DIP2A: variants seen among roughly 807,000 people sequenced by gnomAD.
DIP2A encodes the protein disco-interacting protein 2 homolog A.
Under a neutral mutation model 177.4 loss-of-function variants are expected in DIP2A, and 85 were observed. The ratio of observed to expected loss-of-function variants is 0.48; its 90% CI spans 0.40 to 0.57. The LOEUF is 0.57. Among genes scored for constraint, DIP2A ranks in the 20% least tolerant of loss-of-function variants. The pLI is 0.00. For synonymous variants in DIP2A, 886 were observed against 881.8 expected (o/e 1.00, Z -0.08); for missense variants, 1,791 against 2,100.2 (o/e 0.85, Z 2.88).
chr21:46,480,604 A>G (rs2056279666), intron 1 of DIP2A, among the ~76,000 whole-genome samples: 2 of 152,086 alleles, frequency 1.3e-5, no homozygotes, highest in South Asian at 2.1e-4. Context: ...GATCCTGGGT[A>G]AGCTTGTGTG....
At chr21:46,495,899 C>T (rs1275885452) in intron 3 of DIP2A, among the ~76,000 whole-genome samples, 1 of 151,906 alleles carries the variant, frequency 6.6e-6, no homozygotes, top group Non-Finnish European at 1.5e-5. Context: ...TAGTGAAACC[C>T]CATCTGTACT....
Position 46,496,993 on chromosome 21 carries a change from C to G in DIP2A, c.289C>G (p.His97Asp). Residue 97 changes from histidine to aspartate, a missense_variant, in exon 4 of 38, where the codon CAC becomes GAC. Physicochemically the swap from His to Asp is moderately conservative, Grantham distance 81. Transcript: ENST00000417564. ...CTGCTGTCCTTCCTGTGTAGATGTC[C>G]ACACTGAAGCCGTGCAAGCAGCTTT... Reference protein sequence around the residue: ...SRDERFRSDVHTEAVQAALAK... With the variant: ...SRDERFRSDVDTEAVQAALAK... 6.3e-7 allele frequency: 1 copy of G among 1,583,938 alleles called. No homozygotes were observed. The highest frequency in any genetic ancestry group is 8.6e-7 in the Non-Finnish European group (1 of 1,165,580).
the DIP2A span, among the ~76,000 whole-genome samples, chr21:46,579,739 C>G: frequency 6.6e-6 from 1 of 152,146 alleles, no homozygotes; most frequent in South Asian, 2.1e-4. Context: ...GGAGGTTGTT[C>G]AGTTTCCATG....
chr21:46,487,022 C>G (rs1212352444), intron 2 of DIP2A, among the ~76,000 whole-genome samples: 2 of 152,144 alleles, frequency 1.3e-5, no homozygotes, highest in Non-Finnish European at 2.9e-5. Context: ...ATTTAGAGAG[C>G]TGGTGTAGTG....
intron 33 of DIP2A, chr21:46,561,500 C>G: frequency 1.7e-6 from 1 of 574,988 alleles, no homozygotes; most frequent in South Asian, 1.7e-5. Context: ...AGGACCTAAA[C>G]GAAATGTAGA....
At chr21:46,523,044 G>C (rs1456110820) in intron 8 of DIP2A, among the ~76,000 whole-genome samples, 1 of 147,540 alleles carries the variant, frequency 6.8e-6, no homozygotes, top group East Asian at 2.0e-4. Context: ...TCCTGCCTCA[G>C]CCTCCCGAGT....
chr21:46,523,393 A>ATTTTTTTTTTTTTTTTT (rs61370008), intron 8 of DIP2A, among the ~76,000 whole-genome samples: 14 of 89,896 alleles, frequency 1.6e-4, no homozygotes, highest in Non-Finnish European at 2.4e-4. Flanking sequence ...CGCCTGGCTA[A>ATTTTTTTTTTTTTTTTT]TTTTTTTTTT....
chr21:46,503,633 TTTCC>T (rs2057804159), intron 5 of DIP2A, among the ~76,000 whole-genome samples: 10 of 113,046 alleles, frequency 8.8e-5, no homozygotes, highest in South Asian at 2.9e-4. Flanking sequence ...TCTTTCTTTC[TTTCC>T]TTTCTTTCTT....
Position 46,497,127 on chromosome 21 carries a change from A to C in DIP2A, c.403+20A>C. On this transcript the variant is annotated intron_variant, in intron 4 of 37. Coordinates refer to ENST00000417564, the MANE Select transcript of DIP2A (RefSeq NM_015151.4). ...CTCCAGGTATTGATAAACAATGTCA[A>C]GTGTGGCTTTTTTTTGAGTGTTTCA... The C allele has an allele frequency of 1.3e-6, 2 of 1,503,678 alleles. No homozygotes were observed. Among genetic ancestry groups the C allele is most frequent in the South Asian group, 2.3e-5 (2 of 87,060 alleles). The allele number at this position is 1,503,678 out of a possible 1,614,324, so 93.1% of individuals were successfully genotyped here. A position where few individuals can be genotyped will look rare whatever the true frequency, so the allele number is the denominator to read the frequency against.
rs2059220195 is a variant in DIP2A, at chr21:46,528,568, T to TA, written c.1103-523dup. Among the ~76,000 whole-genome samples, 24 of 90,632 alleles carry TA rather than the reference T, an allele frequency of 2.6e-4. 1 individual carries two copies. The highest frequency in any genetic ancestry group is 8.5e-4 in the South Asian group (2 of 2,340). 59.5% of individuals were successfully genotyped at this position (90,632 alleles called of 152,430 possible). A position where few individuals can be genotyped will look rare whatever the true frequency, so the allele number is the denominator to read the frequency against. ...TTTTTTTTTTTTTTTTTTTTTTTTT[T>TA]AGATAATGTCTTTATTGCCCAGGCT... On this transcript the variant is annotated intron_variant, in intron 8 of 37. Coordinates refer to ENST00000417564, the MANE Select transcript of DIP2A (RefSeq NM_015151.4).
At chr21:46,555,308 G>A (rs991684940) in intron 28 of DIP2A, among the ~76,000 whole-genome samples, 1 of 152,236 alleles carries the variant, frequency 6.6e-6, no homozygotes, top group African/African-American at 2.4e-5. Context: ...GGTGAATGCT[G>A]TCATGCCCCA....
At chr21:46,528,011 A>G (rs1181937563) in intron 8 of DIP2A, among the ~76,000 whole-genome samples, 9 of 152,036 alleles carry the variant, frequency 5.9e-5, no homozygotes, top group Non-Finnish European at 1.0e-4. Context: ...TGAGCATAGC[A>G]GCTGCGCCAG....
At chr21:46,518,663 C>A (rs1443652734) in intron 8 of DIP2A, among the ~76,000 whole-genome samples, 1 of 152,152 alleles carries the variant, frequency 6.6e-6, no homozygotes, top group Non-Finnish European at 1.5e-5. Flanking sequence ...TTGAGACCAG[C>A]CTGGCCAACA....
chr21:46,538,740 GACAC>G, intron 16 of DIP2A, 138 bp downstream of exon 16: 1 of 1,273,128 alleles, frequency 7.9e-7, no homozygotes. Context: ...TCGTTTCTAT[GACAC>G]GGAACATCTT....
rs3061062 is a variant in DIP2A, at chr21:46,524,872, C to CTTTT, written c.1103-4191_1103-4188dup. Among the ~76,000 whole-genome samples, 81 of 63,356 alleles carry CTTTT rather than the reference C, an allele frequency of 1.3e-3. 2 individuals carry two copies. Among genetic ancestry groups the CTTTT allele is most frequent in the South Asian group, 3.4e-3 (5 of 1,482 alleles). 41.6% of individuals were successfully genotyped at this position (63,356 alleles called of 152,430 possible). A position where few individuals can be genotyped will look rare whatever the true frequency, so the allele number is the denominator to read the frequency against. ...TTTCTTTTATGATTTTTGCTTTTTG[C>CTTTT]TTTTTTTTTTTTTTTTTTTTTTTTT... On this transcript the variant is annotated intron_variant, in intron 8 of 37. Coordinates refer to ENST00000417564, the MANE Select transcript of DIP2A (RefSeq NM_015151.4).
At chr21:46,524,363 T>C in intron 8 of DIP2A, among the ~76,000 whole-genome samples, 1 of 152,208 alleles carries the variant, frequency 6.6e-6, no homozygotes, top group East Asian at 1.9e-4. Context: ...TAACCCACTC[T>C]GTCTTAGGAG....
chr21:46,515,171 G>A (rs544881565), intron 8 of DIP2A, among the ~76,000 whole-genome samples: 24 of 152,306 alleles, frequency 1.6e-4, no homozygotes, highest in South Asian at 1.4e-3. Flanking sequence ...TTAAACCAGC[G>A]TTCAAATCTA....
In DIP2A at chr21:46,468,261, C is replaced by CAAA. The variant is rs1207842729; in HGVS notation, c.91+9057_91+9059dup. ...AGCCTGGGTGACAGTGAGACTGTCT[C>CAAA]AAAAAAAAAAAAAAAAAAAAGCTGG... is the stretch of plus-strand genomic sequence containing the variant. On this transcript the variant is annotated intron_variant, in intron 1 of 37. Transcript: ENST00000417564. Among the ~76,000 whole-genome samples the CAAA allele has an allele frequency of 5.7e-3, 500 of 87,652 alleles. 18 individuals carry two copies. The highest frequency in any genetic ancestry group is 7.3e-3 in the Non-Finnish European group (344 of 47,288). The allele number at this position is 87,652 out of a possible 152,430, so 57.5% of individuals were successfully genotyped here.
chr21:46,549,398 GACTA>G (rs1216153295), intron 21 of DIP2A, among the ~76,000 whole-genome samples: 6 of 152,280 alleles, frequency 3.9e-5, no homozygotes, highest in African/African-American at 1.4e-4. Flanking sequence ...AATGTCAATA[GACTA>G]ACTCTAGTAA....
Sources: allele counts gnomAD v4.1 joint callset (sites outside exome capture counted in the v4.1 genomes callset), GRCh38; gene constraint gnomAD v4.1.1; transcripts MANE v1.5; gene names NCBI Gene and HGNC (gene_info 2026-07-23, HGNC 2026-07-21).